The following MDN1 variants were observed in gnomAD, a reference collection of about 807,000 sequenced individuals.
MDN1 encodes the protein midasin AAA ATPase 1.
MDN1 carries 266 observed loss-of-function variants against 669.2 expected under a neutral mutation model. The ratio of observed to expected loss-of-function variants is 0.40; its 90% CI spans 0.36 to 0.44. The LOEUF (loss-of-function observed/expected upper bound fraction) is 0.44, where lower values mean the gene tolerates loss of function less well. Ranked by LOEUF, MDN1 falls within the 20% of genes least tolerant of loss-of-function variation. The probability of loss-of-function intolerance (pLI) is 1.00; values close to 1 mark genes in which losing one functional copy is unlikely to be tolerated. For missense variants in MDN1, 5,940 were observed against 6,754.0 expected, an observed-to-expected ratio of 0.88 and a Z score of 4.22; for synonymous variants, 2,385 against 2,457.1, an observed-to-expected ratio of 0.97 and a Z score of 0.87.
chr6:89,704,479 T>C (rs552137814), intron 53 of MDN1, among the ~76,000 whole-genome samples: 97 of 152,382 alleles, frequency 6.4e-4, no homozygotes, highest in African/African-American at 2.1e-3. Flanking sequence ...TACTTATTTA[T>C]ATTGAAGAAT....
intron 17 of MDN1, among the ~76,000 whole-genome samples, chr6:89,759,868 T>A (rs1391325460): frequency 6.6e-6 from 1 of 151,020 alleles, no homozygotes; most frequent in African/African-American, 2.4e-5. Flanking sequence ...GGTCAGGAGT[T>A]CAACACCAGC....
chr6:89,750,120 C>T (rs1413743674), intron 24 of MDN1, among the ~76,000 whole-genome samples: 1 of 152,180 alleles, frequency 6.6e-6, no homozygotes, highest in Non-Finnish European at 1.5e-5. Context: ...CAGTTCAATT[C>T]CCCTCTTGAA....
intron 83 of MDN1, 109 bp from the exon 84 acceptor site, chr6:89,668,260 C>G: frequency 7.5e-7 from 1 of 1,338,800 alleles, no homozygotes; most frequent in Non-Finnish European, 1.0e-6. Flanking sequence ...AATTCTTTTT[C>G]TAGCTCATTA....
At chr6:89,680,890 T>A in intron 73 of MDN1, 139 bp from the exon 74 acceptor site, 1 of 922,186 alleles carries the variant, frequency 1.1e-6, no homozygotes, top group Non-Finnish European at 1.6e-6. Flanking sequence ...TCACTAAAAT[T>A]AAAAGAGACA....
intron 91 of MDN1, 133 bp from the exon 92 acceptor site, chr6:89,656,101 G>A (rs1809267838): frequency 4.1e-6 from 3 of 732,116 alleles, no homozygotes; most frequent in Non-Finnish European, 4.4e-6. Context: ...ATTCAATACA[G>A]CTATTAAAAA....
chr6:89,717,967 A>G (rs1416704499), intron 43 of MDN1, among the ~76,000 whole-genome samples: 1 of 152,200 alleles, frequency 6.6e-6, no homozygotes, highest in East Asian at 1.9e-4. Flanking sequence ...ATACAGGATG[A>G]TATATTTCCT....
intron 14 of MDN1, 51 bp from the exon 15 acceptor site, chr6:89,771,672 A>G: frequency 6.9e-7 from 1 of 1,456,358 alleles, no homozygotes; most frequent in Non-Finnish European, 9.6e-7. Flanking sequence ...AAAGACCGAT[A>G]ATATCCAGTG....
chr6:89,783,859 C>T (rs1006384801), intron 9 of MDN1, among the ~76,000 whole-genome samples: 1 of 151,852 alleles, frequency 6.6e-6, no homozygotes, highest in African/African-American at 2.4e-5. Context: ...CCAATAGTGG[C>T]ATGCACCAGC....
chr6:89,690,493 G>C (rs995468675), intron 64 of MDN1, among the ~76,000 whole-genome samples, 180 bp downstream of exon 64: 1 of 152,106 alleles, frequency 6.6e-6, no homozygotes, highest in Non-Finnish European at 1.5e-5. Flanking sequence ...AGGAGTTTGA[G>C]GCTGCAGTGA....
chr6:89,703,128 G>C (rs912071335), intron 53 of MDN1, among the ~76,000 whole-genome samples: 17 of 151,952 alleles, frequency 1.1e-4, no homozygotes, highest in African/African-American at 3.9e-4. Context: ...GTAGAGATGG[G>C]GTTTCACCAT....
At position 89,687,711 on chromosome 6, in the gene MDN1, C is replaced by T. The variant is rs115411210; in HGVS notation, c.11356-273G>A. 2.7e-3 allele frequency among the ~76,000 whole-genome samples: 414 copies of T among 152,256 alleles called. 1 individual carries two copies. Among genetic ancestry groups the T allele is most frequent in the African/African-American group, 9.6e-3 (397 of 41,570 alleles). On this transcript the variant is annotated intron_variant, in intron 67 of 101. Coordinates refer to ENST00000369393, the MANE Select transcript of MDN1 (RefSeq NM_014611.3). ...GTGCTCTTTGCTATCTGACCTAGAA[C>T]AAAGACATGCGGCCCTTTTCTGTCC...
At chr6:89,658,412 G>T in intron 89 of MDN1, 42 bp from the exon 90 acceptor site, 1 of 1,611,866 alleles carries the variant, frequency 6.2e-7, no homozygotes, top group Non-Finnish European at 8.5e-7. Flanking sequence ...TGCTCTGGGG[G>T]AACAGCATAA....
At chr6:89,696,286 C>T in intron 60 of MDN1, 74 bp downstream of exon 60, 1 of 1,474,434 alleles carries the variant, frequency 6.8e-7, no homozygotes, top group Non-Finnish European at 9.4e-7. Flanking sequence ...GAAGGAAGTT[C>T]TCACTGGGTC....
At position 89,696,352 on chromosome 6, in the gene MDN1, G is replaced by A. The variant is rs1055992382; in HGVS notation, c.9383+8C>T. 5 of 1,613,186 alleles carry A rather than the reference G, an allele frequency of 3.1e-6. No individual in the cohort carries two copies. Among genetic ancestry groups the A allele is most frequent in the East Asian group, 2.2e-5 (1 of 44,868 alleles). On this transcript the variant is annotated splice_region_variant and intron_variant, in intron 60 of 101. Transcript: ENST00000369393. ...ACTTTACAGTCTGCTTCCAGGGCGA[G>A]GGAATACCTGAATTCTGCTACTGAA...
intron 9 of MDN1, among the ~76,000 whole-genome samples, chr6:89,782,554 G>C (rs903946772): frequency 1.3e-5 from 2 of 151,758 alleles, no homozygotes; most frequent in African/African-American, 4.8e-5. Flanking sequence ...CACCACTGCA[G>C]TGCACCACTG....
chr6:89,762,708 G>A (rs1584334032), intron 15 of MDN1, among the ~76,000 whole-genome samples, 178 bp from the exon 16 acceptor site: 1 of 152,114 alleles, frequency 6.6e-6, no homozygotes, highest in African/African-American at 2.4e-5. Context: ...CCCATCGCAA[G>A]CATTTGAAGG....
chr6:89,713,104 T>C lies in MDN1; in HGVS notation c.7218+44A>G, dbSNP rs199527849. On this transcript the variant is annotated intron_variant, in intron 47 of 101. Coordinates refer to ENST00000369393, the MANE Select transcript of MDN1 (RefSeq NM_014611.3). ...AATAATTTCCTCGTACTCAAGAATG[T>C]AGGGTATTACAACTTAGAAACATTC... The C allele has an allele frequency of 7.6e-6, 12 of 1,582,348 alleles. 1 individual carries two copies. In the South Asian group the frequency reaches 1.1e-4, roughly 15 times the overall value.
chr6:89,725,596 G>C (rs1275306880), intron 37 of MDN1, among the ~76,000 whole-genome samples, 200 bp from the exon 38 acceptor site: 1 of 151,940 alleles, frequency 6.6e-6, no homozygotes, highest in East Asian at 1.9e-4. Flanking sequence ...TTTGAGACAG[G>C]GTTTCACTCT....
rs201572009 is a variant in MDN1, at chr6:89,761,671, T to C, written c.2434A>G (p.Asn812Asp). ...HAQQQMKMTE[N>D]TLLFAFVEGT... Reference sequence around the variant, plus strand: ...TCTACAAATGCGAACAATAAGGTATTTTCAGTCATTTTCATCTGTTGTTGG... The same window carrying C: ...TCTACAAATGCGAACAATAAGGTATCTTCAGTCATTTTCATCTGTTGTTGG... The change falls in exon 17 of 102, where the codon AAT (asparagine) becomes GAT (aspartate). Residue 812 changes from asparagine (N) to aspartate (D), a missense_variant. Transcript: ENST00000369393. The C allele has an allele frequency of 2.2e-4, 360 of 1,611,562 alleles. No homozygotes were observed. The highest frequency in any genetic ancestry group is 2.9e-4 in the Non-Finnish European group (345 of 1,178,792).
Sources: gnomAD v4.1 joint callset for allele counts (sites outside exome capture counted in the v4.1 genomes callset) on GRCh38, gnomAD v4.1.1 for gene constraint, MANE v1.5 for transcripts, NCBI Gene and HGNC (gene_info 2026-07-23, HGNC 2026-07-21) for gene names.